The following GALNT12 variants were observed in gnomAD, a reference collection of about 807,000 sequenced individuals.
GALNT12 encodes the protein UDP-GalNAc:polypeptide N-acetylgalactosaminyltransferase 12.
A neutral mutation model predicts 55.5 loss-of-function variants in GALNT12; 45 were observed. That is an observed-to-expected ratio of 0.81 (90% CI 0.64 to 1.04). The LOEUF (loss-of-function observed/expected upper bound fraction) is 1.04, where lower values mean the gene tolerates loss of function less well. Ranked by LOEUF, GALNT12 falls within the 50% of genes least tolerant of loss-of-function variation. The probability of loss-of-function intolerance (pLI) is 0.00; values close to 1 mark genes in which losing one functional copy is unlikely to be tolerated. For missense variants in GALNT12, 709 were observed against 754.8 expected (o/e 0.94, Z 0.71); for synonymous variants, 304 against 312.2 (o/e 0.97, Z 0.28).
rs1041610255 is a variant in GALNT12, at chr9:98,849,312, T to G, written c.*220T>G. 4 of 606,636 alleles carry G rather than the reference T, an allele frequency of 6.6e-6. No homozygotes were observed. Among genetic ancestry groups the G allele is most frequent in the East Asian group, 5.5e-5 (2 of 36,526 alleles). The allele number at this position is 606,636 out of a possible 1,614,324, so 37.6% of individuals were successfully genotyped here. On this transcript the variant is annotated 3_prime_UTR_variant, in exon 10 of 10. Transcript: ENST00000375011. ...ACTTTTTAAATGTTCCAAAATACCC[T>G]ATTTTCAAAGGGTAATCGTAAGATG...
chr9:98,807,973 G>C lies in GALNT12; in HGVS notation c.275G>C (p.Arg92Pro). The change falls in exon 1 of 10, where the codon CGG (arginine) becomes CCG (proline). Residue 92 changes from arginine (R) to proline (P), a missense_variant. Physicochemically the swap from Arg to Pro is moderately radical, Grantham distance 103 (BLOSUM62 -2). Transcript: ENST00000375011. ...CTGCAGCTGCAGGGCGAGGAGCTGC[G>C]GCTGCAGGAGGAGAGCGTGCGGCTG... is the stretch of plus-strand genomic sequence containing the variant. ...VRLQLQGEELRLQEESVRLHQ... is the reference protein window; with the variant it reads ...VRLQLQGEELPLQEESVRLHQ... The C allele has an allele frequency of 6.8e-7, 1 of 1,477,724 alleles. No homozygotes were observed. Among genetic ancestry groups the C allele is most frequent in the Non-Finnish European group, 9.0e-7 (1 of 1,111,484 alleles). 91.5% of individuals were successfully genotyped at this position (1,477,724 alleles called of 1,614,324 possible). A position where few individuals can be genotyped will look rare whatever the true frequency, so the allele number is the denominator to read the frequency against.
intron 3 of GALNT12, among the ~76,000 whole-genome samples, chr9:98,831,182 A>T (rs1165854818): frequency 6.6e-6 from 1 of 152,228 alleles, no homozygotes; most frequent in African/African-American, 2.4e-5. Flanking sequence ...CAAACATTAA[A>T]ATAAAAAAAT....
chr9:98,811,133 G>A (rs1005715598), intron 1 of GALNT12, among the ~76,000 whole-genome samples: 3 of 152,132 alleles, frequency 2.0e-5, no homozygotes, highest in Non-Finnish European at 4.4e-5. Context: ...GCAACCACGG[G>A]TGAAAGCTAC....
rs1835790665 is a variant in GALNT12, at chr9:98,823,422, A to G, written c.538A>G (p.Arg180Gly). The change falls in exon 2 of 10, where the codon AGA becomes GGA. Residue 180 changes from arginine to glycine, a missense_variant. This residue lies in a region of GALNT12 where 315 missense variants were observed against 288.6 expected (regional missense o/e 1.09). Coordinates refer to ENST00000375011, the MANE Select transcript of GALNT12 (RefSeq NM_024642.5). Reference protein sequence around the residue: ...EVILVDDYSDREHLKERLANE... With the variant: ...EVILVDDYSDGEHLKERLANE... The stretch of plus-strand genomic sequence containing the variant: ...GATCCTTGTAGATGACTACAGTGAT[A>G]GAGGTGAGTCCCGGCCAGGGCTCTG... The G allele has an allele frequency of 6.2e-7, 1 of 1,614,004 alleles. No homozygotes were observed. The highest frequency in any genetic ancestry group is 8.5e-7 in the Non-Finnish European group (1 of 1,179,814).
Position 98,826,830 on chromosome 9 carries a change from G to C in GALNT12, c.620G>C (p.Gly207Ala). The C allele has an allele frequency of 6.2e-7, 1 of 1,611,606 alleles. No homozygotes were observed. Among genetic ancestry groups the C allele is most frequent in the Non-Finnish European group, 8.5e-7 (1 of 1,179,416 alleles). The change falls in exon 3 of 10, where the codon GGC (glycine) becomes GCC (alanine). Residue 207 changes from glycine to alanine, a missense_variant. Gly to Ala is a moderately conservative substitution (Grantham distance 60, BLOSUM62 0). Transcript: ENST00000375011. ...CTGATCCGCGCCAACAAGAGAGAGG[G>C]CCTGGTGCGAGCCCGGCTGCTGGGG... is the stretch of plus-strand genomic sequence containing the variant. ...VRLIRANKRE[G>A]LVRARLLGAS...
At chr9:98,834,560 C>T (rs377457811) in intron 4 of GALNT12, among the ~76,000 whole-genome samples, 11 of 152,208 alleles carry the variant, frequency 7.2e-5, no homozygotes, top group South Asian at 6.2e-4. Context: ...TGGTGGGTGG[C>T]GGGAAACAAG....
intron 3 of GALNT12, among the ~76,000 whole-genome samples, chr9:98,827,796 CT>C (rs1835893446): frequency 6.6e-6 from 1 of 152,070 alleles, no homozygotes; most frequent in African/African-American, 2.4e-5. Context: ...ATAAAATATG[CT>C]TTTTAATATG....
At chr9:98,817,243 G>A (rs1301422681) in intron 1 of GALNT12, among the ~76,000 whole-genome samples, 2 of 152,162 alleles carry the variant, frequency 1.3e-5, no homozygotes, top group Non-Finnish European at 2.9e-5. Context: ...TGGGATTACA[G>A]GTGTGAGCTA....
chr9:98,826,970 C>T (rs1028815064), intron 3 of GALNT12, 29 bp downstream of exon 3: 7 of 1,550,422 alleles, frequency 4.5e-6, no homozygotes, highest in African/African-American at 1.4e-5. Context: ...ATGGGAGAGA[C>T]AGCATGTTAC....
chr9:98,845,400 G>A (rs916507574), intron 8 of GALNT12, among the ~76,000 whole-genome samples: 5 of 152,182 alleles, frequency 3.3e-5, no homozygotes, highest in South Asian at 2.1e-4. Context: ...TCCTTATTCC[G>A]TCTCTGGGAT....
At chr9:98,817,895 C>T (rs1181967628) in intron 1 of GALNT12, among the ~76,000 whole-genome samples, 4 of 152,050 alleles carry the variant, frequency 2.6e-5, no homozygotes, top group African/African-American at 9.7e-5. Context: ...AACATTGGAC[C>T]TTTTTTTCCT....
Position 98,844,226 on chromosome 9 carries a change from A to G in GALNT12, c.1458+17A>G. On this transcript the variant is annotated intron_variant, in intron 8 of 9. Coordinates refer to ENST00000375011, the MANE Select transcript of GALNT12 (RefSeq NM_024642.5). ...CAGAATCAGGTAGGTATGAGCCTCA[A>G]AAGAGGAGAAAGCTGTGTGTTTTGT... 1 of 1,397,250 alleles carries G rather than the reference A, an allele frequency of 7.2e-7. No homozygotes were observed. The highest frequency in any genetic ancestry group is 1.2e-5 in the South Asian group (1 of 86,842). 86.6% of individuals were successfully genotyped at this position (1,397,250 alleles called of 1,614,324 possible). A position where few individuals can be genotyped will look rare whatever the true frequency, so the allele number is the denominator to read the frequency against.
intron 4 of GALNT12, among the ~76,000 whole-genome samples, chr9:98,833,316 T>G (rs764028955): frequency 1.3e-5 from 2 of 152,208 alleles, no homozygotes; most frequent in Non-Finnish European, 2.9e-5. Context: ...GTTGGGCTTC[T>G]GAATTCTTTC....
At chr9:98,829,153 T>TAATCTATCTATC (rs761426681) in intron 3 of GALNT12, among the ~76,000 whole-genome samples, 4 of 141,864 alleles carry the variant, frequency 2.8e-5, no homozygotes, top group Admixed American at 1.4e-4. Flanking sequence ...GTAATTTTTT[T>TAATCTATCTATC]TATCTATCTA....
intron 2 of GALNT12, among the ~76,000 whole-genome samples, chr9:98,825,497 C>T (rs1415791840): frequency 6.6e-6 from 1 of 152,164 alleles, no homozygotes; most frequent in Non-Finnish European, 1.5e-5. Context: ...GGGTGTCAGG[C>T]CCTCTCAGAT....
intron 1 of GALNT12, among the ~76,000 whole-genome samples, chr9:98,811,167 G>A (rs1835488132): frequency 6.6e-6 from 1 of 152,202 alleles, no homozygotes; most frequent in Non-Finnish European, 1.5e-5. Flanking sequence ...GTGGATTTCT[G>A]AGTCAGAAGA....
Position 98,849,023 on chromosome 9 carries a change from C to A in GALNT12, c.1677C>A (p.Phe559Leu), listed in dbSNP as rs112898261. Residue 559 changes from phenylalanine to leucine, a missense_variant, in exon 10 of 10, where the codon TTC (phenylalanine) becomes TTA (leucine). Transcript: ENST00000375011. ...CGAGGAAGGAGTCGAGTGACAGTTT[C>A]GTTCCACTCTTACGAGACTGCACCA... Reference protein sequence around the residue: ...QAARKESSDSFVPLLRDCTNS... With the variant: ...QAARKESSDSLVPLLRDCTNS... The A allele has an allele frequency of 1.9e-6, 3 of 1,614,088 alleles. No homozygotes were observed. The highest frequency in any genetic ancestry group is 1.1e-5 in the South Asian group (1 of 91,084).
At chr9:98,827,225 C>G (rs1835878241) in intron 3 of GALNT12, among the ~76,000 whole-genome samples, 1 of 152,160 alleles carries the variant, frequency 6.6e-6, no homozygotes, top group South Asian at 2.1e-4. Flanking sequence ...GAGTTTCACT[C>G]TTGTTGCCCA....
intron 9 of GALNT12, among the ~76,000 whole-genome samples, chr9:98,846,500 G>A (rs138167032): frequency 6.6e-6 from 1 of 152,294 alleles, no homozygotes; most frequent in East Asian, 1.9e-4. Flanking sequence ...AAGGATGTTA[G>A]CCAAAGTGTT....
Sources: allele counts gnomAD v4.1 joint callset (sites outside exome capture counted in the v4.1 genomes callset), GRCh38; gene constraint gnomAD v4.1.1; regional missense constraint gnomAD v4.1.1; transcripts MANE v1.5; gene names NCBI Gene and HGNC (gene_info 2026-07-23, HGNC 2026-07-21).